GRIK4: variants seen among roughly 807,000 people sequenced by gnomAD.
GRIK4 encodes glutamate ionotropic receptor kainate type subunit 4.
A neutral mutation model predicts 104.9 loss-of-function variants in GRIK4; 40 were observed. The ratio of observed to expected loss-of-function variants is 0.38; its 90% CI spans 0.30 to 0.50. The LOEUF is 0.50. GRIK4 is among the 20% of genes least tolerant of loss of function. GRIK4 has a pLI of 0.93. For synonymous variants in GRIK4, 485 were observed against 524.9 expected (o/e 0.92, Z 1.04); for missense variants, 1,047 against 1,308.1 (o/e 0.80, Z 3.08).
chr11:120,940,233 C>G lies in GRIK4; in HGVS notation c.1477-114C>G, dbSNP rs1352751812. On this transcript the variant is annotated intron_variant, in intron 13 of 20. Transcript: ENST00000527524. This position sits in a 1 kb window ranked among gnomAD's most constrained non-coding sequence, Gnocchi z 4.3. Reference sequence around the variant, plus strand: ...TGTTGACTTAGAGCCACTCCTCAAGCAAGAAGCCAGACCAGCATCACATCT... The same window carrying G: ...TGTTGACTTAGAGCCACTCCTCAAGGAAGAAGCCAGACCAGCATCACATCT... 6.1e-6 allele frequency: 4 copies of G among 652,904 alleles called. No homozygotes were observed. The East Asian group carries it at 1.0e-4, about 17-fold the overall frequency. 40.4% of individuals were successfully genotyped at this position (652,904 alleles called of 1,614,324 possible). A position where few individuals can be genotyped will look rare whatever the true frequency, so the allele number is the denominator to read the frequency against.
chr11:120,872,418 G>A (rs1388730747), intron 9 of GRIK4: 5 of 160,786 alleles, frequency 3.1e-5, no homozygotes, highest in African/African-American at 1.2e-4. Context: ...CCGTGGAGGG[G>A]CCGGTGTCCC....
At chr11:120,750,348 CTCTT>C (rs1473251379) in intron 3 of GRIK4, among the ~76,000 whole-genome samples, 1 of 134,656 alleles carries the variant, frequency 7.4e-6, no homozygotes, top group Non-Finnish European at 1.6e-5. Context: ...AACTAGAAAT[CTCTT>C]TTTTTTTTTT....
chr11:120,771,887 G>C (rs1951949185), intron 3 of GRIK4, among the ~76,000 whole-genome samples: 1 of 152,240 alleles, frequency 6.6e-6, no homozygotes, highest in African/African-American at 2.4e-5. Flanking sequence ...GATCACCATG[G>C]AGAACCCCCA....
chr11:120,739,643 ATC>A (rs1352560077), intron 3 of GRIK4, among the ~76,000 whole-genome samples: 1 of 152,224 alleles, frequency 6.6e-6, no homozygotes, highest in Non-Finnish European at 1.5e-5. Flanking sequence ...ATGTTTAGAC[ATC>A]TCTTATTTCA....
At chr11:120,660,849 T>C (rs995458577) in intron 3 of GRIK4, among the ~76,000 whole-genome samples, 1 of 152,122 alleles carries the variant, frequency 6.6e-6, no homozygotes, top group African/African-American at 2.4e-5. Flanking sequence ...GTGGCCTGGC[T>C]GCTTGGAAGG....
intron 11 of GRIK4, among the ~76,000 whole-genome samples, chr11:120,877,880 C>T (rs1289455437): frequency 6.6e-6 from 1 of 152,150 alleles, no homozygotes; most frequent in Non-Finnish European, 1.5e-5. Flanking sequence ...GGGAAAGAGC[C>T]CACTTCCAGC....
rs535640122 is a variant in GRIK4, at chr11:120,907,501, C to T, written c.1476+2008C>T. 3.8e-4 allele frequency among the ~76,000 whole-genome samples: 58 copies of T among 152,272 alleles called. 1 individual carries two copies. Among genetic ancestry groups the T allele is most frequent in the African/African-American group, 1.4e-3 (57 of 41,562 alleles). The stretch of plus-strand genomic sequence containing the variant: ...CTTTGGCCTCATTGAGACTTGGCTA[C>T]TTGACATGAACTAATTAATTAACCC... On this transcript the variant is annotated intron_variant, in intron 13 of 20. Coordinates refer to ENST00000527524, the MANE Select transcript of GRIK4 (RefSeq NM_014619.5).
At chr11:120,877,684 CAA>C (rs1444472291) in intron 11 of GRIK4, among the ~76,000 whole-genome samples, 1 of 151,902 alleles carries the variant, frequency 6.6e-6, no homozygotes, top group African/African-American at 2.4e-5. Context: ...AGTGGGCAAA[CAA>C]ATATATATGT....
intron 1 of GRIK4, among the ~76,000 whole-genome samples, chr11:120,616,175 A>G (rs889216888): frequency 1.3e-5 from 2 of 151,906 alleles, no homozygotes; most frequent in African/African-American, 4.8e-5. Context: ...GAACTTGGGA[A>G]TTGGTGCATG....
At chr11:120,632,522 G>T (rs1459151150) in intron 1 of GRIK4, among the ~76,000 whole-genome samples, 1 of 152,072 alleles carries the variant, frequency 6.6e-6, no homozygotes, top group Non-Finnish European at 1.5e-5. Context: ...GTCTCACTGT[G>T]CTTCCCGTTT....
At chr11:120,891,726 A>G (rs1014188712) in intron 11 of GRIK4, among the ~76,000 whole-genome samples, 1 of 152,192 alleles carries the variant, frequency 6.6e-6, no homozygotes, top group African/African-American at 2.4e-5. Flanking sequence ...GCGGTAAGCA[A>G]TGGTCACATC....
At chr11:120,728,749 T>G (rs1284420827) in intron 3 of GRIK4, among the ~76,000 whole-genome samples, 1 of 152,228 alleles carries the variant, frequency 6.6e-6, no homozygotes, top group East Asian at 1.9e-4. Flanking sequence ...TTATCCTTTG[T>G]GCTACAAGCA....
intron 1 of GRIK4, among the ~76,000 whole-genome samples, chr11:120,651,143 A>G (rs746084253): frequency 5.9e-5 from 9 of 152,136 alleles, no homozygotes; most frequent in African/African-American, 2.2e-4. Context: ...AGGCCATCCT[A>G]TTGGGGAAAG....
intron 13 of GRIK4, among the ~76,000 whole-genome samples, chr11:120,928,172 C>A (rs1342497646): frequency 6.8e-6 from 1 of 148,144 alleles, no homozygotes; most frequent in African/African-American, 2.5e-5. Context: ...CGAGATCGCA[C>A]CACTGCACTC....
intron 1 of GRIK4, among the ~76,000 whole-genome samples, chr11:120,578,478 A>T (rs1948517550): frequency 6.6e-6 from 1 of 152,220 alleles, no homozygotes; most frequent in Non-Finnish European, 1.5e-5. Flanking sequence ...GTGAGGTCCC[A>T]TAAAAATGAG....
At chr11:120,677,952 T>C (rs1458038253) in intron 3 of GRIK4, among the ~76,000 whole-genome samples, 1 of 152,226 alleles carries the variant, frequency 6.6e-6, no homozygotes, top group Non-Finnish European at 1.5e-5. Context: ...TAATGTCTGC[T>C]ATTTGGGTGT....
chr11:120,839,319 G>C (rs1407320761), intron 8 of GRIK4, among the ~76,000 whole-genome samples: 1 of 152,206 alleles, frequency 6.6e-6, no homozygotes, highest in Non-Finnish European at 1.5e-5. Flanking sequence ...TGGTGAACGG[G>C]AAAGGCATGG....
intron 1 of GRIK4, among the ~76,000 whole-genome samples, chr11:120,622,480 T>TA (rs1462367219): frequency 1.3e-5 from 2 of 152,198 alleles, no homozygotes; most frequent in Non-Finnish European, 2.9e-5. Flanking sequence ...CAGCAAGAAA[T>TA]ACTTTTCCAA....
intron 3 of GRIK4, among the ~76,000 whole-genome samples, chr11:120,779,917 C>T (rs1336777382): frequency 2.0e-5 from 3 of 152,216 alleles, no homozygotes; most frequent in African/African-American, 7.2e-5. Flanking sequence ...AGCTTTAATT[C>T]CTCAACATGT....
Sources: allele counts gnomAD v4.1 joint callset (sites outside exome capture counted in the v4.1 genomes callset), GRCh38; gene constraint gnomAD v4.1.1; non-coding constraint Gnocchi (gnomAD v3.1); transcripts MANE v1.5; gene names NCBI Gene and HGNC (gene_info 2026-07-23, HGNC 2026-07-21).